The following KIAA1958 variants were observed in gnomAD, a reference collection of about 807,000 sequenced individuals.
KIAA1958 encodes uncharacterized protein KIAA1958.
KIAA1958 carries 14 observed loss-of-function variants against 47.2 expected under a neutral mutation model. The observed-to-expected ratio is 0.30, with a 90% CI of 0.20 to 0.46. The LOEUF (loss-of-function observed/expected upper bound fraction) is 0.46, where lower values mean the gene tolerates loss of function less well. Among genes scored for constraint, KIAA1958 ranks in the 20% least tolerant of loss-of-function variants. KIAA1958 has a pLI of 1.00. For synonymous variants in KIAA1958, 354 were observed against 353.3 expected, an observed-to-expected ratio of 1.00 and a Z score of -0.02; for missense variants, 803 against 909.2, an observed-to-expected ratio of 0.88 and a Z score of 1.50.
chr9:112,595,931 A>G (rs1045428924), intron 2 of KIAA1958, among the ~76,000 whole-genome samples: 3 of 152,014 alleles, frequency 2.0e-5, no homozygotes, highest in Middle Eastern at 3.4e-3. Context: ...GATTACAGGC[A>G]TGTGTCACCA....
chr9:112,550,163 T>C lies in KIAA1958; in HGVS notation c.-24-23894T>C, dbSNP rs577995417. ...TGTTGATAATTTGGGATGTCTTCTC[T>C]TTGGCTGTTTGGAGCCTTTGATGGA... is the stretch of plus-strand genomic sequence containing the variant. On this transcript the variant is annotated intron_variant, in intron 1 of 3. Coordinates refer to ENST00000337530, the MANE Select transcript of KIAA1958 (RefSeq NM_133465.4). Among the ~76,000 whole-genome samples the C allele has an allele frequency of 2.0e-5, 3 of 150,914 alleles. No individual in the cohort carries two copies. In the East Asian group the frequency reaches 5.8e-4, roughly 29 times the overall value.
intron 1 of KIAA1958, among the ~76,000 whole-genome samples, chr9:112,534,340 A>G (rs1320001728): frequency 1.3e-5 from 2 of 152,206 alleles, no homozygotes; most frequent in East Asian, 1.9e-4. Context: ...CATTTTTGCC[A>G]TCAGCACTGA....
chr9:112,510,311 C>G (rs1834303175), intron 1 of KIAA1958, among the ~76,000 whole-genome samples: 1 of 152,174 alleles, frequency 6.6e-6, no homozygotes, highest in Non-Finnish European at 1.5e-5. Context: ...AACTGCTTCC[C>G]CACAGCACCC....
chr9:112,487,193 G>T (rs1449886497), intron 1 of KIAA1958, 75 bp downstream of exon 1: 1 of 182,446 alleles, frequency 5.5e-6, no homozygotes, highest in Non-Finnish European at 1.1e-5. Flanking sequence ...CCCTTTGTGT[G>T]GGGGGCGGCC....
intron 2 of KIAA1958, among the ~76,000 whole-genome samples, chr9:112,578,454 A>G (rs1835686455): frequency 1.3e-5 from 2 of 152,194 alleles, no homozygotes; most frequent in Non-Finnish European, 1.5e-5. Flanking sequence ...AGTCTTTATC[A>G]GATCATTGCA....
intron 1 of KIAA1958, among the ~76,000 whole-genome samples, chr9:112,490,210 C>T (rs1209095835): frequency 6.6e-6 from 1 of 152,104 alleles, no homozygotes; most frequent in Non-Finnish European, 1.5e-5. Context: ...TAAGTACTGT[C>T]AAAAATAGAG....
At chr9:112,506,119 T>C (rs574227078) in intron 1 of KIAA1958, among the ~76,000 whole-genome samples, 8 of 152,268 alleles carry the variant, frequency 5.3e-5, no homozygotes, top group African/African-American at 1.7e-4. Context: ...ATCTGAAGTA[T>C]GGAGAAAAAT....
intron 1 of KIAA1958, among the ~76,000 whole-genome samples, chr9:112,551,106 AATTGTGTAAAAT>A (rs1186968763): frequency 6.6e-6 from 1 of 151,822 alleles, no homozygotes; most frequent in African/African-American, 2.4e-5. Flanking sequence ...AGTTTTTAAA[AATTGTGTAAAAT>A]ATATATAATA....
intron 2 of KIAA1958, among the ~76,000 whole-genome samples, chr9:112,604,592 G>A (rs1588036400): frequency 6.6e-6 from 1 of 152,302 alleles, no homozygotes; most frequent in Admixed American, 6.5e-5. Flanking sequence ...TAGTGATGCA[G>A]TGACAGCAAG....
intron 2 of KIAA1958, among the ~76,000 whole-genome samples, chr9:112,576,821 G>T (rs1371971090): frequency 6.6e-6 from 1 of 151,996 alleles, no homozygotes; most frequent in African/African-American, 2.4e-5. Context: ...ACAGGTTTTT[G>T]TGTGGGTGTG....
chr9:112,656,569 C>T (rs963482038), intron 3 of KIAA1958, among the ~76,000 whole-genome samples: 2 of 151,856 alleles, frequency 1.3e-5, no homozygotes, highest in Admixed American at 6.6e-5. Flanking sequence ...TATTTTACTT[C>T]GGGGAGTTTA....
chr9:112,645,939 T>C (rs1836967803), intron 3 of KIAA1958, 117 bp downstream of exon 3: 3 of 696,152 alleles, frequency 4.3e-6, no homozygotes, highest in Non-Finnish European at 6.6e-6. Context: ...GGGGAAACTT[T>C]GGAAGAACAT....
At chr9:112,586,801 G>C (rs144107979) in intron 2 of KIAA1958, among the ~76,000 whole-genome samples, 2 of 152,318 alleles carry the variant, frequency 1.3e-5, no homozygotes, top group Admixed American at 1.3e-4. Flanking sequence ...CAGAACTGAA[G>C]AGGTGTTGAC....
chr9:112,651,661 G>A (rs1837056957), intron 3 of KIAA1958, among the ~76,000 whole-genome samples: 1 of 152,124 alleles, frequency 6.6e-6, no homozygotes, highest in Admixed American at 6.5e-5. Context: ...TTCCCAAAGT[G>A]CTGGGATTAC....
chr9:112,506,447 C>T (rs1197210362), intron 1 of KIAA1958, among the ~76,000 whole-genome samples: 1 of 152,140 alleles, frequency 6.6e-6, no homozygotes, highest in Non-Finnish European at 1.5e-5. Flanking sequence ...CAGAGCGAGA[C>T]TCTGTTTCAA....
intron 2 of KIAA1958, among the ~76,000 whole-genome samples, chr9:112,609,912 A>G (rs1046108096): frequency 3.9e-5 from 6 of 152,262 alleles, no homozygotes; most frequent in Non-Finnish European, 8.8e-5. Flanking sequence ...GAGAGAATGG[A>G]CATCTTGTAT....
At chr9:112,544,371 G>A (rs574095763) in intron 1 of KIAA1958, among the ~76,000 whole-genome samples, 2 of 152,164 alleles carry the variant, frequency 1.3e-5, no homozygotes, top group African/African-American at 4.8e-5. Flanking sequence ...TTTTGTAATT[G>A]CTTAGTTGTT....
At chr9:112,634,676 G>T (rs1308739067) in intron 2 of KIAA1958, among the ~76,000 whole-genome samples, 1 of 152,188 alleles carries the variant, frequency 6.6e-6, no homozygotes, top group African/African-American at 2.4e-5. Flanking sequence ...TGATTTTTCA[G>T]ATAAATGTAC....
In KIAA1958 at chr9:112,626,823, C is replaced by CAA. The variant is rs35640010; in HGVS notation, c.1172-18815_1172-18814dup. Among the ~76,000 whole-genome samples, 428 of 133,912 alleles carry CAA rather than the reference C, an allele frequency of 3.2e-3. 6 individuals carry two copies. The South Asian group carries it at 0.037, about 12-fold the overall frequency. 87.9% of individuals were successfully genotyped at this position (133,912 alleles called of 152,430 possible). On this transcript the variant is annotated intron_variant, in intron 2 of 3. Transcript: ENST00000337530. ...CTTTTGTTTTATAAAGCATTTGTTA[C>CAA]AAAAAAAAAAAAACACCTTGCCAAA... is the stretch of plus-strand genomic sequence containing the variant.
Sources: gnomAD v4.1 joint callset for allele counts (sites outside exome capture counted in the v4.1 genomes callset) on GRCh38, gnomAD v4.1.1 for gene constraint, MANE v1.5 for transcripts, NCBI Gene and HGNC (gene_info 2026-07-23, HGNC 2026-07-21) for gene names.